HS6ST3: variants seen among roughly 807,000 people sequenced by gnomAD.
HS6ST3 encodes the protein heparan-sulfate 6-O-sulfotransferase 3.
Under a neutral mutation model 36.7 loss-of-function variants are expected in HS6ST3, and 12 were observed. The observed-to-expected ratio is 0.33, with a 90% CI of 0.21 to 0.53. The LOEUF is 0.53. Among genes scored for constraint, HS6ST3 ranks in the 20% least tolerant of loss-of-function variants. The probability of loss-of-function intolerance (pLI) is 0.95; values close to 1 mark genes in which losing one functional copy is unlikely to be tolerated. For synonymous variants in HS6ST3, 240 were observed against 257.5 expected, an observed-to-expected ratio of 0.93 and a Z score of 0.65; for missense variants, 584 against 640.9, an observed-to-expected ratio of 0.91 and a Z score of 0.96.
chr13:96,577,909 C>T (rs2056327810), intron 1 of HS6ST3, among the ~76,000 whole-genome samples: 1 of 152,172 alleles, frequency 6.6e-6, no homozygotes, highest in Admixed American at 6.5e-5. Context: ...TAAATTAGTT[C>T]AACCATTGTG....
chr13:96,428,323 G>A (rs986822963), intron 1 of HS6ST3, among the ~76,000 whole-genome samples: 3 of 152,204 alleles, frequency 2.0e-5, no homozygotes, highest in African/African-American at 7.2e-5. Context: ...TCCAGCCTGG[G>A]CGACAGAGCG....
intron 1 of HS6ST3, among the ~76,000 whole-genome samples, chr13:96,327,385 G>A (rs2055038447): frequency 6.6e-6 from 1 of 152,076 alleles, no homozygotes; most frequent in African/African-American, 2.4e-5. Flanking sequence ...TCCAGTTTCA[G>A]CTTTCTACAT....
intron 1 of HS6ST3, among the ~76,000 whole-genome samples, chr13:96,775,502 G>A (rs184773034): frequency 6.7e-6 from 1 of 149,370 alleles, no homozygotes; most frequent in East Asian, 2.0e-4. Context: ...CCAAGCACAT[G>A]GAAGGCAAAA....
intron 1 of HS6ST3, among the ~76,000 whole-genome samples, chr13:96,481,801 G>A (rs2055891499): frequency 6.6e-6 from 1 of 152,170 alleles, no homozygotes; most frequent in African/African-American, 2.4e-5. Flanking sequence ...ATAACATTAT[G>A]TGTGCCAAGT....
At chr13:96,110,245 GAA>G (rs1358743764) in intron 1 of HS6ST3, among the ~76,000 whole-genome samples, 1 of 151,968 alleles carries the variant, frequency 6.6e-6, no homozygotes. Context: ...GGGAGCAAGA[GAA>G]AGAGGAGGAG....
chr13:96,759,909 T>A (rs1876923515), intron 1 of HS6ST3, among the ~76,000 whole-genome samples: 1 of 152,058 alleles, frequency 6.6e-6, no homozygotes, highest in Non-Finnish European at 1.5e-5. Flanking sequence ...TATAATCTCC[T>A]GATTTCAGTT....
chr13:96,763,213 A>G lies in HS6ST3; in HGVS notation c.708-69277A>G, dbSNP rs535872422. On this transcript the variant is annotated intron_variant, in intron 1 of 1. Coordinates refer to ENST00000376705, the MANE Select transcript of HS6ST3 (RefSeq NM_153456.4). ...TACAAAGGTTTTTTAAACATCAGAC[A>G]TAAGTATATATATGAATATTTAATA... Among the ~76,000 whole-genome samples, 35 of 151,410 alleles carry G rather than the reference A, an allele frequency of 2.3e-4. No individual in the cohort carries two copies. In the South Asian group the frequency reaches 6.8e-3, roughly 30 times the overall value.
intron 1 of HS6ST3, among the ~76,000 whole-genome samples, chr13:96,157,343 GC>G (rs2054115257): frequency 6.6e-6 from 1 of 152,148 alleles, no homozygotes; most frequent in African/African-American, 2.4e-5. Flanking sequence ...ATGAGGAGAA[GC>G]TCATCTAAAA....
At chr13:96,354,675 T>G (rs2055201030) in intron 1 of HS6ST3, among the ~76,000 whole-genome samples, 2 of 152,144 alleles carry the variant, frequency 1.3e-5, no homozygotes, top group South Asian at 4.1e-4. Context: ...CAATGTAAAT[T>G]GCATAGAGGT....
In HS6ST3 at chr13:96,519,659, A is replaced by C. The variant is rs577340277; in HGVS notation, c.708-312831A>C. On this transcript the variant is annotated intron_variant, in intron 1 of 1. Coordinates refer to ENST00000376705, the MANE Select transcript of HS6ST3 (RefSeq NM_153456.4). ...CATAGCTTAGGAGGCAGTATGGTGC[A>C]CAAACTTTGGAATCAGGACAAATGA... Among the ~76,000 whole-genome samples the C allele has an allele frequency of 3.9e-5, 6 of 152,356 alleles. No individual in the cohort carries two copies. The East Asian group carries it at 1.2e-3, about 29-fold the overall frequency.
At position 96,305,928 on chromosome 13, in the gene HS6ST3, CT is replaced by C. The variant is rs531536258; in HGVS notation, c.707+214362del. ...TGTACCAGATTTCCTTTCTTTCTTT[CT>C]TTCCTTTTTTTTTTAGACAGGATCT... On this transcript the variant is annotated intron_variant, in intron 1 of 1. Coordinates refer to ENST00000376705, the MANE Select transcript of HS6ST3 (RefSeq NM_153456.4). Among the ~76,000 whole-genome samples, 919 of 111,996 alleles carry C rather than the reference CT, an allele frequency of 8.2e-3. 12 individuals carry two copies. Among genetic ancestry groups the C allele is most frequent in the African/African-American group, 0.029 (885 of 30,196 alleles). The allele number at this position is 111,996 out of a possible 152,430, so 73.5% of individuals were successfully genotyped here. A position where few individuals can be genotyped will look rare whatever the true frequency, so the allele number is the denominator to read the frequency against.
chr13:96,370,893 G>A (rs533294477), intron 1 of HS6ST3, among the ~76,000 whole-genome samples: 6 of 152,130 alleles, frequency 3.9e-5, no homozygotes, highest in South Asian at 2.1e-4. Context: ...GCGAGACACC[G>A]TATCAAAGAA....
chr13:96,359,870 T>C (rs2055228921), intron 1 of HS6ST3, among the ~76,000 whole-genome samples: 2 of 151,844 alleles, frequency 1.3e-5, no homozygotes, highest in South Asian at 4.2e-4. Flanking sequence ...CCAGCAGGAG[T>C]TGAAGGGAAG....
At chr13:96,750,179 G>C (rs1376938876) in intron 1 of HS6ST3, among the ~76,000 whole-genome samples, 1 of 152,234 alleles carries the variant, frequency 6.6e-6, no homozygotes, top group African/African-American at 2.4e-5. Context: ...TATGGTAGCA[G>C]TTACCAAGCA....
intron 1 of HS6ST3, among the ~76,000 whole-genome samples, chr13:96,259,342 C>T (rs2054653059): frequency 6.6e-6 from 1 of 152,112 alleles, no homozygotes; most frequent in African/African-American, 2.4e-5. Context: ...TACTGACAGG[C>T]ACAGACCTAG....
chr13:96,649,047 G>A (rs1473324594), intron 1 of HS6ST3, among the ~76,000 whole-genome samples: 2 of 151,944 alleles, frequency 1.3e-5, no homozygotes, highest in African/African-American at 4.8e-5. Context: ...AGCTCAAAAT[G>A]TGATGATCTG....
intron 1 of HS6ST3, among the ~76,000 whole-genome samples, chr13:96,413,283 T>C (rs1448612422): frequency 6.6e-6 from 1 of 152,194 alleles, no homozygotes; most frequent in African/African-American, 2.4e-5. Context: ...AGTTTGTGAG[T>C]AACAGTACCT....
chr13:96,583,177 T>G (rs1219346287), intron 1 of HS6ST3, among the ~76,000 whole-genome samples: 1 of 150,636 alleles, frequency 6.6e-6, no homozygotes, highest in Non-Finnish European at 1.5e-5. Context: ...TTAAAACGTT[T>G]TAATGGCTTC....
chr13:96,831,968 A>AAAAAAAAAAC (rs1878800904), intron 1 of HS6ST3, among the ~76,000 whole-genome samples: 1 of 147,482 alleles, frequency 6.8e-6, no homozygotes, highest in Non-Finnish European at 1.5e-5. Context: ...AAAAAAAAAA[A>AAAAAAAAAAC]AAAAAAAAAA....
Sources: gnomAD v4.1 joint callset for allele counts (sites outside exome capture counted in the v4.1 genomes callset) on GRCh38, gnomAD v4.1.1 for gene constraint, MANE v1.5 for transcripts, NCBI Gene and HGNC (gene_info 2026-07-23, HGNC 2026-07-21) for gene names.